Variants in DIPK1A observed in about 807,000 individuals in gnomAD.
DIPK1A encodes the protein family with sequence similarity 69 member A.
DIPK1A carries 27 observed loss-of-function variants against 40.8 expected under a neutral mutation model. The ratio of observed to expected loss-of-function variants is 0.66; its 90% CI spans 0.49 to 0.91. DIPK1A has a LOEUF of 0.91. Ranked by LOEUF, DIPK1A falls within the 40% of genes least tolerant of loss-of-function variation. The pLI is 0.00. For missense variants in DIPK1A, 412 were observed against 505.7 expected (o/e 0.81, Z 1.78); for synonymous variants, 166 against 171.3 (o/e 0.97, Z 0.24).
chr1:92,909,711 T>C (rs1649756986), intron 1 of DIPK1A, among the ~76,000 whole-genome samples: 1 of 152,174 alleles, frequency 6.6e-6, no homozygotes, highest in Admixed American at 6.5e-5. Flanking sequence ...CACTCAGATT[T>C]CAACAAGCTG....
chr1:92,892,256 G>A (rs184708359), intron 1 of DIPK1A, among the ~76,000 whole-genome samples: 5 of 152,042 alleles, frequency 3.3e-5, no homozygotes, highest in Non-Finnish European at 7.4e-5. Context: ...GAGGCACCCC[G>A]CAGTAGGGGC....
At chr1:92,955,768 C>T (rs1357119831) in intron 1 of DIPK1A, among the ~76,000 whole-genome samples, 1 of 150,694 alleles carries the variant, frequency 6.6e-6, no homozygotes, top group Admixed American at 6.6e-5. Flanking sequence ...GGGCCAGGCA[C>T]AGTGGTTAAT....
chr1:92,876,454 G>T, intron 1 of DIPK1A, 24 bp from the exon 2 acceptor site: 1 of 1,609,686 alleles, frequency 6.2e-7, no homozygotes, highest in South Asian at 1.1e-5. Context: ...AGAACATAAC[G>T]ATCATTCATT....
chr1:92,899,925 T>C (rs371937363), intron 1 of DIPK1A, among the ~76,000 whole-genome samples: 5 of 150,294 alleles, frequency 3.3e-5, no homozygotes, highest in South Asian at 2.1e-4. Context: ...TGGCTGGCTA[T>C]TTTTTTTTTC....
intron 1 of DIPK1A, among the ~76,000 whole-genome samples, chr1:92,900,571 T>C (rs72969911): frequency 0.018 from 2,814 of 152,248 alleles, 84 homozygotes; most frequent in African/African-American, 0.064. Flanking sequence ...TTCCCTAAGA[T>C]CATTATTTTG....
At chr1:92,884,821 T>G (rs1192891411) in intron 1 of DIPK1A, among the ~76,000 whole-genome samples, 3 of 152,200 alleles carry the variant, frequency 2.0e-5, no homozygotes, top group Non-Finnish European at 2.9e-5. Context: ...AAAATTTACT[T>G]GGAGTAGTTA....
chr1:92,953,081 T>G (rs1037654685), intron 1 of DIPK1A, among the ~76,000 whole-genome samples: 1 of 152,096 alleles, frequency 6.6e-6, no homozygotes, highest in Non-Finnish European at 1.5e-5. Flanking sequence ...GTTGAATAAA[T>G]ATCAATCTGA....
intron 1 of DIPK1A, among the ~76,000 whole-genome samples, chr1:92,927,377 T>G (rs11577786): frequency 2.3e-4 from 25 of 109,706 alleles, no homozygotes; most frequent in South Asian, 2.6e-4. Flanking sequence ...TTTTTTTTTT[T>G]TTTTTTTTTT....
chr1:92,851,104 G>T, intron 2 of DIPK1A, 149 bp from the exon 3 acceptor site: 1 of 608,864 alleles, frequency 1.6e-6, no homozygotes, highest in South Asian at 2.2e-5. Flanking sequence ...TCTAAGCTCT[G>T]TTACTTATAC....
chr1:92,949,903 A>AT (rs1651560831), intron 1 of DIPK1A, among the ~76,000 whole-genome samples: 1 of 152,146 alleles, frequency 6.6e-6, no homozygotes, highest in Non-Finnish European at 1.5e-5. Flanking sequence ...TTCAACAAAT[A>AT]TTTTTTCCTC....
chr1:92,866,229 G>A (rs1188010869), intron 2 of DIPK1A, among the ~76,000 whole-genome samples: 2 of 152,214 alleles, frequency 1.3e-5, no homozygotes, highest in Admixed American at 1.3e-4. Context: ...AGCCTCCTGA[G>A]TAGCTGCGAT....
chr1:92,916,271 TA>T (rs36120846), intron 1 of DIPK1A, among the ~76,000 whole-genome samples: 46,859 of 150,602 alleles, frequency 0.31, 7,860 homozygotes, highest in Non-Finnish European at 0.37. Flanking sequence ...ATAAAGCTCT[TA>T]AAAAAATGAT....
At chr1:92,925,652 C>T (rs1354143998) in intron 1 of DIPK1A, among the ~76,000 whole-genome samples, 1 of 152,024 alleles carries the variant, frequency 6.6e-6, no homozygotes, top group Admixed American at 6.6e-5. Flanking sequence ...CACCACCATA[C>T]CTGGCTTATT....
chr1:92,845,896 G>A (rs546631986), intron 4 of DIPK1A, among the ~76,000 whole-genome samples: 2 of 152,060 alleles, frequency 1.3e-5, no homozygotes, highest in East Asian at 3.9e-4. Flanking sequence ...TTGGGGGGCT[G>A]AGGCAGGAGG....
intron 1 of DIPK1A, among the ~76,000 whole-genome samples, chr1:92,894,276 A>C (rs1649059164): frequency 6.6e-6 from 1 of 152,100 alleles, no homozygotes. Context: ...CATCAAATGG[A>C]AAACAACAGA....
intron 1 of DIPK1A, 41 bp downstream of exon 1, chr1:92,961,335 G>A (rs747493176): frequency 3.4e-6 from 5 of 1,454,406 alleles, no homozygotes; most frequent in African/African-American, 3.0e-5. Context: ...GCACACGGCC[G>A]GGTGCTCCCG....
chr1:92,951,525 C>G (rs191601941), intron 1 of DIPK1A, among the ~76,000 whole-genome samples: 53 of 152,296 alleles, frequency 3.5e-4, no homozygotes, highest in African/African-American at 7.0e-4. Flanking sequence ...ACACTGTGCC[C>G]TGACTTCTAA....
intron 1 of DIPK1A, among the ~76,000 whole-genome samples, chr1:92,955,792 GC>G (rs1474894034): frequency 2.0e-5 from 3 of 151,970 alleles, no homozygotes; most frequent in Admixed American, 2.0e-4. Flanking sequence ...TATAATTCCA[GC>G]ACTTTGGGAG....
chr1:92,922,390 T>C (rs1650304548), intron 1 of DIPK1A, among the ~76,000 whole-genome samples: 1 of 151,746 alleles, frequency 6.6e-6, no homozygotes, highest in African/African-American at 2.4e-5. Context: ...CTGGATCTTG[T>C]GGTAAATAAT....
Sources: allele counts gnomAD v4.1 joint callset (sites outside exome capture counted in the v4.1 genomes callset), GRCh38; gene constraint gnomAD v4.1.1; transcripts MANE v1.5; gene names NCBI Gene and HGNC (gene_info 2026-07-23, HGNC 2026-07-21).